TKT: variants seen among roughly 807,000 people sequenced by gnomAD.
The protein encoded by TKT is epididymis luminal protein 107.
A neutral mutation model predicts 63.9 loss-of-function variants in TKT; 47 were observed. The ratio of observed to expected loss-of-function variants is 0.74; its 90% confidence interval spans 0.58 to 0.94. TKT has a LOEUF of 0.94. Ranked by LOEUF, TKT falls within the 40% of genes least tolerant of loss-of-function variation. The pLI, the probability that TKT is intolerant of heterozygous loss-of-function variation, is 0.00. For missense variants in TKT, 721 were observed against 846.2 expected, an observed-to-expected ratio of 0.85 and a Z score of 1.84; for synonymous variants, 338 against 334.1, an observed-to-expected ratio of 1.01 and a Z score of -0.13.
At chr3:53,254,156 T>C (rs1236144657) in intron 1 of TKT, among the ~76,000 whole-genome samples, 2 of 152,218 alleles carry the variant, frequency 1.3e-5, no homozygotes, top group African/African-American at 4.8e-5. Flanking sequence ...GATGCTCAGA[T>C]GTGCAATACT....
At chr3:53,241,575 A>C (rs1575569369) in intron 2 of TKT, among the ~76,000 whole-genome samples, 1 of 152,324 alleles carries the variant, frequency 6.6e-6, no homozygotes, top group African/African-American at 2.4e-5. Flanking sequence ...ACAGACTTCT[A>C]AGCTCTAAAG....
intron 8 of TKT, among the ~76,000 whole-genome samples, chr3:53,229,792 C>T (rs782472720): frequency 5.3e-5 from 8 of 152,186 alleles, no homozygotes; most frequent in Admixed American, 3.9e-4. Context: ...GCCCCACGCC[C>T]TGCAGAGCAG....
chr3:53,224,874 T>G lies in TKT; in HGVS notation c.*882A>C, dbSNP rs931384053. The G allele has an allele frequency of 1.3e-5, 2 of 152,334 alleles. No homozygotes were observed. The highest frequency in any genetic ancestry group is 6.5e-5 in the Admixed American group (1 of 15,282). The allele number at this position is 152,334 out of a possible 1,614,324, so 9.4% of individuals were successfully genotyped here. Reference sequence around the variant, plus strand: ...CCAGCACTAGTTTGTTCTTGGCCAGTATAAGGTTTTGCACAGTTGACCTTA... The same window carrying G: ...CCAGCACTAGTTTGTTCTTGGCCAGGATAAGGTTTTGCACAGTTGACCTTA... On this transcript the variant is annotated 3_prime_UTR_variant, in exon 14 of 14. Transcript: ENST00000462138.
chr3:53,233,168 G>A lies in TKT; in HGVS notation c.736C>T (p.Arg246Ter), dbSNP rs1405849537. 4 of 1,613,584 alleles carry A rather than the reference G, an allele frequency of 2.5e-6. No individual in the cohort carries two copies. Among genetic ancestry groups the A allele is most frequent in the African/African-American group, 1.3e-5 (1 of 74,930 alleles). The change falls in exon 6 of 14, where the codon CGA (arginine) becomes TGA (stop). Residue 246 changes from arginine to a stop codon, truncating the protein, a stop_gained. Coordinates refer to ENST00000462138, the MANE Select transcript of TKT (RefSeq NM_001064.4). LOFTEE classifies it high-confidence loss of function. ...TGTGCATACTGACCCGTGATCCCTC[G>A]GCCCTTGAAGGTCTTGGCAATGATG... is the stretch of plus-strand genomic sequence containing the variant. Reference protein sequence around the residue: ...TAIIAKTFKGRGITGVEDKES... With the variant: ...TAIIAKTFKG
rs1704456713 is a variant in TKT, at chr3:53,225,474, C to G, written c.*282G>C. Reference sequence around the variant, plus strand: ...ATGTCACCTGGTGATGAATGGGAGGCAGCGATAGTTCTGGAGGTTGAGGGC... The same window carrying G: ...ATGTCACCTGGTGATGAATGGGAGGGAGCGATAGTTCTGGAGGTTGAGGGC... On this transcript the variant is annotated 3_prime_UTR_variant, in exon 14 of 14. Coordinates refer to ENST00000462138, the MANE Select transcript of TKT (RefSeq NM_001064.4). 3.5e-6 allele frequency: 1 copy of G among 285,354 alleles called. No individual in the cohort carries two copies. Among genetic ancestry groups the G allele is most frequent in the African/African-American group, 2.2e-5 (1 of 46,116 alleles). The allele number at this position is 285,354 out of a possible 1,614,324, so 17.7% of individuals were successfully genotyped here. A position where few individuals can be genotyped will look rare whatever the true frequency, so the allele number is the denominator to read the frequency against.
chr3:53,243,058 T>C (rs1705353876), intron 1 of TKT, among the ~76,000 whole-genome samples: 1 of 152,122 alleles, frequency 6.6e-6, no homozygotes, highest in Non-Finnish European at 1.5e-5. Flanking sequence ...CCCTTCTGCC[T>C]ATGGACAAGG....
chr3:53,245,811 T>G (rs1024237478), intron 1 of TKT, among the ~76,000 whole-genome samples: 1 of 151,964 alleles, frequency 6.6e-6, no homozygotes, highest in Non-Finnish European at 1.5e-5. Flanking sequence ...ATGAAAATAA[T>G]TTACCAAAAC....
chr3:53,233,406 G>T, intron 5 of TKT, 132 bp from the exon 6 acceptor site: 2 of 556,314 alleles, frequency 3.6e-6, no homozygotes, highest in Non-Finnish European at 6.1e-6. Context: ...CTCAGCTGGA[G>T]TAGTAGAAAG....
Position 53,240,734 on chromosome 3 carries a change from G to C in TKT, c.340-386C>G, listed in dbSNP as rs919023932. On this transcript the variant is annotated intron_variant, in intron 3 of 13. Transcript: ENST00000462138. Reference sequence around the variant, plus strand: ...GGTAATCCATGAAGTCTTAACGTTTGCAGGGATGCCAGATGGCACCCCAAG... The same window carrying C: ...GGTAATCCATGAAGTCTTAACGTTTCCAGGGATGCCAGATGGCACCCCAAG... 3.9e-5 allele frequency among the ~76,000 whole-genome samples: 6 copies of C among 152,214 alleles called. 1 individual carries two copies. In the South Asian group the frequency reaches 1.2e-3, roughly 32 times the overall value.
intron 2 of TKT, 84 bp from the exon 3 acceptor site, chr3:53,241,329 G>T (rs1316564063): frequency 3.3e-6 from 4 of 1,196,048 alleles, no homozygotes; most frequent in Admixed American, 3.0e-5. Context: ...GACCCCTGGG[G>T]CCCGGCCGAG....
At position 53,226,761 on chromosome 3, in the gene TKT, T is replaced by C. The variant is rs951384680; in HGVS notation, c.1691A>G (p.Tyr564Cys). ...GRILTVEDHY[Y>C]EGGIGEAVSS... is the part of the protein sequence containing the mutation. ...CCTGCCCCAGGCCTCCTTACCTTCA[T>C]AATAATGGTCCTCCACGGTGAGGAT... Residue 564 changes from tyrosine to cysteine, a missense_variant, in exon 13 of 14, where the codon TAT becomes TGT. Physicochemically the swap from Tyr to Cys is radical, Grantham distance 194. Coordinates refer to ENST00000462138, the MANE Select transcript of TKT (RefSeq NM_001064.4). 6.8e-6 allele frequency: 11 copies of C among 1,613,774 alleles called. No individual in the cohort carries two copies. The highest frequency in any genetic ancestry group is 4.0e-5 in the African/African-American group (3 of 74,936).
rs781998604 is a variant in TKT at position 53,241,139 on chromosome 3, G to A, written c.332C>T (p.Pro111Leu). 2.4e-5 allele frequency: 38 copies of A among 1,557,146 alleles called. No individual in the cohort carries two copies. Among genetic ancestry groups the A allele is most frequent in the Non-Finnish European group, 2.9e-5 (34 of 1,160,050 alleles). The change falls in exon 3 of 14, where the codon CCG becomes CTG. Residue 111 changes from proline to leucine, a missense_variant. Transcript: ENST00000462138. ...TCTGGCAGGAGCACTTACCGGGACC[G>A]GGTGCCCGTCCAAGTCGGAGCTGAT... Reference protein sequence around the residue: ...RKISSDLDGHPVPKQAFTDVA... With the variant: ...RKISSDLDGHLVPKQAFTDVA...
At position 53,225,836 on chromosome 3, in the gene TKT, G is replaced by A. The variant is rs781852062; in HGVS notation, c.1792C>T (p.Pro598Ser). Residue 598 changes from proline (P) to serine (S), a missense_variant, in exon 14 of 14, where the codon CCG (proline) becomes TCG (serine). Transcript: ENST00000462138. The stretch of plus-strand genomic sequence containing the variant: ...CCAAACATCTTCAGCAGCTCAGCCG[G>A]CTTCCCACTTCTTGGTACCCGGTTA... ...AVNRVPRSGK[P>S]AELLKMFGID... 8.1e-6 allele frequency: 13 copies of A among 1,614,094 alleles called. No homozygotes were observed. In the South Asian group the frequency reaches 1.4e-4, roughly 18 times the overall value.
At chr3:53,242,038 C>T (rs1206558024) in intron 2 of TKT, 87 bp downstream of exon 2, 10 of 1,289,904 alleles carry the variant, frequency 7.8e-6, no homozygotes, top group Admixed American at 1.7e-5. Flanking sequence ...CCAGCCAGGT[C>T]TCCTCAAAGA....
At chr3:53,236,537 G>A (rs1484893609) in intron 4 of TKT, among the ~76,000 whole-genome samples, 1 of 152,168 alleles carries the variant, frequency 6.6e-6, no homozygotes, top group African/African-American at 2.4e-5. Flanking sequence ...TCTTTCCCCT[G>A]TAGGTTTTGA....
At chr3:53,249,628 G>A (rs1008457873) in intron 1 of TKT, among the ~76,000 whole-genome samples, 10 of 152,168 alleles carry the variant, frequency 6.6e-5, no homozygotes, top group Non-Finnish European at 1.3e-4. Context: ...GAGCTCAGTA[G>A]AGGAAGTTCT....
chr3:53,225,854 C>T lies in TKT; in HGVS notation c.1774G>A (p.Val592Ile). 2 of 1,614,096 alleles carry T rather than the reference C, an allele frequency of 1.2e-6. No individual in the cohort carries two copies. The highest frequency in any genetic ancestry group is 1.7e-6 in the Non-Finnish European group (2 of 1,180,008). The change falls in exon 14 of 14, where the codon GTA (valine) becomes ATA (isoleucine). Residue 592 changes from valine (V) to isoleucine (I), a missense_variant. By Grantham distance (29) the Val-to-Ile change is conservative (BLOSUM62 3). Transcript: ENST00000462138. ...ITVTHLAVNRVPRSGKPAELL... is the reference protein window; with the variant it reads ...ITVTHLAVNRIPRSGKPAELL... ...TCAGCCGGCTTCCCACTTCTTGGTA[C>T]CCGGTTAACTGCCAGGTGGGTGACA...
intron 7 of TKT, 115 bp from the exon 8 acceptor site, chr3:53,230,736 G>A (rs1007277956): frequency 1.1e-4 from 140 of 1,271,080 alleles, no homozygotes; most frequent in Non-Finnish European, 3.9e-5. Flanking sequence ...GGAAGCCCTG[G>A]AGCACAAGGT....
intron 2 of TKT, among the ~76,000 whole-genome samples, chr3:53,241,607 C>A (rs782429063): frequency 6.6e-6 from 1 of 152,232 alleles, no homozygotes; most frequent in Non-Finnish European, 1.5e-5. Context: ...GACCAAACGC[C>A]ACGGAGGCAG....
Sources: gnomAD v4.1 joint callset for allele counts (sites outside exome capture counted in the v4.1 genomes callset) on GRCh38, gnomAD v4.1.1 for gene constraint, MANE v1.5 for transcripts, NCBI Gene and HGNC (gene_info 2026-07-23, HGNC 2026-07-21) for gene names.